The following JARID2 variants were observed in gnomAD, a reference collection of about 807,000 sequenced individuals.
JARID2 encodes jumonji and AT-rich interaction domain containing 2.
Under a neutral mutation model 125.6 loss-of-function variants are expected in JARID2, and 21 were observed. The ratio of observed to expected loss-of-function variants is 0.17; its 90% CI spans 0.12 to 0.24. JARID2 has a LOEUF of 0.24. Among genes scored for constraint, JARID2 ranks in the 10% least tolerant of loss-of-function variants. JARID2 has a pLI of 1.00. For synonymous variants in JARID2, 736 were observed against 661.6 expected, an observed-to-expected ratio of 1.11 and a Z score of -1.73; for missense variants, 1,303 against 1,639.6, an observed-to-expected ratio of 0.79 and a Z score of 3.55.
intron 16 of JARID2, 31 bp downstream of exon 16, chr6:15,513,453 G>A (rs374550168): frequency 2.6e-4 from 411 of 1,565,234 alleles, no homozygotes; most frequent in Admixed American, 2.5e-4. Flanking sequence ...CGGCGCCCTC[G>A]CATGTAGTGC....
chr6:15,264,357 A>T (rs1182464366), intron 1 of JARID2, among the ~76,000 whole-genome samples: 1 of 152,160 alleles, frequency 6.6e-6, no homozygotes, highest in African/African-American at 2.4e-5. Context: ...ATTAATCAGT[A>T]TTTGGAATCT....
At chr6:15,339,576 C>A (rs1298315842) in intron 1 of JARID2, among the ~76,000 whole-genome samples, 2 of 130,642 alleles carry the variant, frequency 1.5e-5, no homozygotes, top group Non-Finnish European at 3.2e-5. Flanking sequence ...GCTCTTGTTA[C>A]CCAGGCCGGA....
chr6:15,261,311 CTTTTTTTTTT>C (rs70996526), intron 1 of JARID2, among the ~76,000 whole-genome samples: 17 of 125,796 alleles, frequency 1.4e-4, no homozygotes, highest in South Asian at 1.2e-3. Context: ...TCTTCTTCTT[CTTTTTTTTTT>C]TTTTTTTTTT....
chr6:15,429,084 A>G (rs6914974), intron 3 of JARID2, among the ~76,000 whole-genome samples: 5,812 of 152,172 alleles, frequency 0.038, 361 homozygotes, highest in African/African-American at 0.13. Context: ...GGGGCGAGGA[A>G]TAGGTAGTCT....
At chr6:15,260,758 G>A (rs755429543) in intron 1 of JARID2, among the ~76,000 whole-genome samples, 3 of 152,222 alleles carry the variant, frequency 2.0e-5, no homozygotes, top group Non-Finnish European at 2.9e-5. Flanking sequence ...GCCCTGGTAA[G>A]CTGGAAAGCA....
At chr6:15,355,626 T>C (rs1172327586) in intron 1 of JARID2, among the ~76,000 whole-genome samples, 1 of 152,136 alleles carries the variant, frequency 6.6e-6, no homozygotes, top group Non-Finnish European at 1.5e-5. Context: ...GCTTTTTTTT[T>C]TTTGAGACAG....
intron 2 of JARID2, among the ~76,000 whole-genome samples, chr6:15,401,898 G>GTTTTTT (rs34203284): frequency 7.9e-6 from 1 of 126,490 alleles, no homozygotes; most frequent in African/African-American, 3.0e-5. Context: ...GTTGTCAGCA[G>GTTTTTT]TTTTTTTTTT....
chr6:15,522,003 T>TAAA lies in JARID2; in HGVS notation c.*1755_*1757dup, dbSNP rs1283482070. On this transcript the variant is annotated 3_prime_UTR_variant, in exon 18 of 18. Transcript: ENST00000341776. ...AGGTTTGTACTACAAGGTTTAATAA[T>TAAA]AAAAACAAAGTTTTTTGGACATTTG... is the stretch of plus-strand genomic sequence containing the variant. 1.3e-5 allele frequency: 2 copies of TAAA among 152,248 alleles called. No homozygotes were observed. The highest frequency in any genetic ancestry group is 4.8e-5 in the African/African-American group (2 of 41,462). 9.4% of individuals were successfully genotyped at this position (152,248 alleles called of 1,614,324 possible). A position where few individuals can be genotyped will look rare whatever the true frequency, so the allele number is the denominator to read the frequency against.
chr6:15,398,892 G>A (rs929987741), intron 2 of JARID2, among the ~76,000 whole-genome samples: 8 of 152,116 alleles, frequency 5.3e-5, no homozygotes, highest in South Asian at 2.1e-4. Context: ...TTTATGTCTC[G>A]GCGTTTCTAC....
chr6:15,432,584 T>C (rs1228178565), intron 3 of JARID2, among the ~76,000 whole-genome samples: 1 of 152,168 alleles, frequency 6.6e-6, no homozygotes, highest in African/African-American at 2.4e-5. Context: ...AGGTTTCCCA[T>C]TGGTTACTTG....
intron 2 of JARID2, among the ~76,000 whole-genome samples, chr6:15,398,824 G>A (rs1309581054): frequency 6.6e-6 from 1 of 152,068 alleles, no homozygotes; most frequent in Admixed American, 6.5e-5. Flanking sequence ...CAGAACTGGG[G>A]GTGTTCAGGA....
intron 1 of JARID2, among the ~76,000 whole-genome samples, chr6:15,274,318 A>C (rs1176330781): frequency 6.6e-6 from 1 of 152,052 alleles, no homozygotes; most frequent in Non-Finnish European, 1.5e-5. Flanking sequence ...GGATGTCTTT[A>C]ATGTTTTTTT....
Position 15,246,295 on chromosome 6 carries a change from T to G in JARID2, c.-245T>G, listed in dbSNP as rs1759182113. On this transcript the variant is annotated 5_prime_UTR_variant, in exon 1 of 18. Transcript: ENST00000341776. ...TTCGGGGGAAATTTTCCATTATGAG[T>G]GTTTTACTAAAGTGAATTTTTTTTT... 14 of 565,194 alleles carry G rather than the reference T, an allele frequency of 2.5e-5. No individual in the cohort carries two copies. Among genetic ancestry groups the G allele is most frequent in the Non-Finnish European group, 3.7e-5 (12 of 321,636 alleles). 35.0% of individuals were successfully genotyped at this position (565,194 alleles called of 1,614,324 possible). A position where few individuals can be genotyped will look rare whatever the true frequency, so the allele number is the denominator to read the frequency against.
chr6:15,454,096 A>G (rs1227701455), intron 4 of JARID2, among the ~76,000 whole-genome samples: 1 of 152,164 alleles, frequency 6.6e-6, no homozygotes, highest in Non-Finnish European at 1.5e-5. Context: ...ATGTGCATTC[A>G]TCCCTGAGGA....
At chr6:15,270,507 C>T (rs1581349060) in intron 1 of JARID2, among the ~76,000 whole-genome samples, 1 of 152,310 alleles carries the variant, frequency 6.6e-6, no homozygotes, top group Middle Eastern at 3.4e-3. Flanking sequence ...CCTCATTTTA[C>T]AGGCATAGAA....
At chr6:15,324,319 C>A (rs1385894370) in intron 1 of JARID2, 3 of 151,520 alleles carry the variant, frequency 2.0e-5, no homozygotes. Context: ...TCTTGTGTTT[C>A]CTCTTGGAGT....
At position 15,366,431 on chromosome 6, in the gene JARID2, G is replaced by A. The variant is rs569796817; in HGVS notation, c.46-7686G>A. Among the ~76,000 whole-genome samples the A allele has an allele frequency of 5.6e-5, 8 of 142,552 alleles. No individual in the cohort carries two copies. The South Asian group carries it at 1.7e-3, about 31-fold the overall frequency. 93.5% of individuals were successfully genotyped at this position (142,552 alleles called of 152,430 possible). The stretch of plus-strand genomic sequence containing the variant: ...CCTTTGGGCATTGGAGTCAGGAAAA[G>A]CACTTCTTTTTCTTTTTGAAAGTAG... On this transcript the variant is annotated intron_variant, in intron 1 of 17. Coordinates refer to ENST00000341776, the MANE Select transcript of JARID2 (RefSeq NM_004973.4).
At chr6:15,481,144 A>G (rs1769594250) in intron 5 of JARID2, among the ~76,000 whole-genome samples, 1 of 152,234 alleles carries the variant, frequency 6.6e-6, no homozygotes, top group South Asian at 2.1e-4. Context: ...CTAAATCAAA[A>G]TAATAGCCTT....
intron 2 of JARID2, among the ~76,000 whole-genome samples, chr6:15,390,235 G>T (rs1005727519): frequency 1.3e-5 from 2 of 152,156 alleles, no homozygotes; most frequent in Admixed American, 1.3e-4. Context: ...CATGGAGCTC[G>T]AGAGGTTTCC....
Sources: gnomAD v4.1 joint callset for allele counts (sites outside exome capture counted in the v4.1 genomes callset) on GRCh38, gnomAD v4.1.1 for gene constraint, MANE v1.5 for transcripts, NCBI Gene and HGNC (gene_info 2026-07-23, HGNC 2026-07-21) for gene names.